CTNNA3: variants seen among roughly 807,000 people sequenced by gnomAD.
CTNNA3 encodes the protein catenin alpha 3.
Under a neutral mutation model 95.7 loss-of-function variants are expected in CTNNA3, and 76 were observed. The observed-to-expected ratio is 0.79, with a 90% CI of 0.66 to 0.96. The LOEUF (loss-of-function observed/expected upper bound fraction) is 0.96, where lower values mean the gene tolerates loss of function less well. Among genes scored for constraint, CTNNA3 ranks in the 40% least tolerant of loss-of-function variants. The pLI is 0.00. For synonymous variants in CTNNA3, 431 were observed against 374.4 expected, an observed-to-expected ratio of 1.15 and a Z score of -1.74; for missense variants, 1,191 against 1,089.8, an observed-to-expected ratio of 1.09 and a Z score of -1.31.
chr10:67,247,998 G>C (rs1009063030), intron 5 of CTNNA3, among the ~76,000 whole-genome samples: 1 of 152,098 alleles, frequency 6.6e-6, no homozygotes, highest in African/African-American at 2.4e-5. Context: ...TTTTCAACAA[G>C]GGTATCATGA....
At chr10:67,133,743 TG>T (rs1172010991) in intron 7 of CTNNA3, among the ~76,000 whole-genome samples, 9 of 152,174 alleles carry the variant, frequency 5.9e-5, no homozygotes, top group African/African-American at 2.2e-4. Flanking sequence ...TTCTAATACA[TG>T]GAAAAGACCT....
intron 7 of CTNNA3, among the ~76,000 whole-genome samples, chr10:67,001,861 T>A (rs529051337): frequency 6.6e-6 from 1 of 152,298 alleles, no homozygotes; most frequent in East Asian, 1.9e-4. Flanking sequence ...TTTAGCCTTG[T>A]CATCATTACC....
chr10:66,114,852 C>G (rs2082262100), intron 13 of CTNNA3, among the ~76,000 whole-genome samples: 1 of 151,074 alleles, frequency 6.6e-6, no homozygotes, highest in South Asian at 2.1e-4. Flanking sequence ...GCACTCCAGC[C>G]TCAGCGACAG....
At chr10:66,449,214 G>A (rs1015123782) in intron 11 of CTNNA3, among the ~76,000 whole-genome samples, 5 of 152,018 alleles carry the variant, frequency 3.3e-5, no homozygotes, top group Non-Finnish European at 1.5e-5. Flanking sequence ...AGGTGCTGGG[G>A]GGACATTCAT....
chr10:67,681,354 C>T (rs1201710804), intron 1 of CTNNA3, among the ~76,000 whole-genome samples: 1 of 152,018 alleles, frequency 6.6e-6, no homozygotes, highest in African/African-American at 2.4e-5. Flanking sequence ...GGAAAGACAG[C>T]TGAGAAATGG....
chr10:65,972,679 T>C (rs917266369), intron 16 of CTNNA3, among the ~76,000 whole-genome samples: 4 of 152,104 alleles, frequency 2.6e-5, no homozygotes, highest in Admixed American at 2.0e-4. Context: ...ACAACACTGC[T>C]GAAAGAAATC....
At chr10:67,579,388 CT>C (rs1045637330) in intron 3 of CTNNA3, among the ~76,000 whole-genome samples, 1 of 152,142 alleles carries the variant, frequency 6.6e-6, no homozygotes, top group East Asian at 1.9e-4. Flanking sequence ...TCAACCCATC[CT>C]TTTTTATGGC....
intron 9 of CTNNA3, among the ~76,000 whole-genome samples, chr10:66,669,808 T>C (rs1471755107): frequency 6.6e-6 from 1 of 152,102 alleles, no homozygotes; most frequent in Non-Finnish European, 1.5e-5. Flanking sequence ...TAAAATATTG[T>C]CAATGTATAG....
At chr10:66,624,076 T>C (rs888502652) in intron 9 of CTNNA3, among the ~76,000 whole-genome samples, 5 of 152,146 alleles carry the variant, frequency 3.3e-5, no homozygotes, top group Admixed American at 2.0e-4. Context: ...CTGCGCAAAA[T>C]GTGGGCAAAG....
chr10:66,540,645 C>G (rs1589396026), intron 10 of CTNNA3, among the ~76,000 whole-genome samples: 2 of 149,232 alleles, frequency 1.3e-5, no homozygotes, highest in African/African-American at 2.5e-5. Flanking sequence ...CCTTCCCTTC[C>G]TCTTTCTCTT....
At chr10:66,644,302 CTCTCTA>C (rs1190813827) in intron 9 of CTNNA3, among the ~76,000 whole-genome samples, 1,909 of 85,584 alleles carry the variant, frequency 0.022, 34 homozygotes, top group African/African-American at 0.072. Context: ...GTCTCTCTCT[CTCTCTA>C]TATATATATA....
chr10:65,947,249 T>C (rs1277764527), intron 17 of CTNNA3, among the ~76,000 whole-genome samples: 3 of 152,164 alleles, frequency 2.0e-5, no homozygotes, highest in Non-Finnish European at 4.4e-5. Context: ...TCATAATAAA[T>C]AGAGAAATGA....
At chr10:66,804,728 G>A (rs1301224891) in intron 7 of CTNNA3, among the ~76,000 whole-genome samples, 1 of 151,934 alleles carries the variant, frequency 6.6e-6, no homozygotes, top group Non-Finnish European at 1.5e-5. Flanking sequence ...CATTGTAGTT[G>A]TCATTAAAGC....
intron 10 of CTNNA3, among the ~76,000 whole-genome samples, chr10:66,619,602 A>G (rs9665647): frequency 0.27 from 34,874 of 130,940 alleles, 5,116 homozygotes; most frequent in Middle Eastern, 0.44. Context: ...TAGGAGATAT[A>G]CCTAATGCTA....
intron 11 of CTNNA3, among the ~76,000 whole-genome samples, chr10:66,414,153 G>T (rs897980236): frequency 1.3e-5 from 2 of 152,090 alleles, no homozygotes; most frequent in Admixed American, 1.3e-4. Flanking sequence ...TAAAACAAAT[G>T]CTCTGGTTAG....
intron 7 of CTNNA3, among the ~76,000 whole-genome samples, chr10:66,815,935 C>T (rs1331784352): frequency 1.3e-5 from 2 of 152,070 alleles, no homozygotes; most frequent in Non-Finnish European, 2.9e-5. Flanking sequence ...AAGTTAACTA[C>T]ATAAGTAAAT....
chr10:66,356,730 T>A (rs542527508), intron 12 of CTNNA3, among the ~76,000 whole-genome samples: 3 of 152,182 alleles, frequency 2.0e-5, no homozygotes, highest in African/African-American at 7.2e-5. Context: ...TTAAGAATGA[T>A]GTTAGCTGTG....
At chr10:66,575,120 C>A (rs1842969353) in intron 10 of CTNNA3, among the ~76,000 whole-genome samples, 1 of 152,182 alleles carries the variant, frequency 6.6e-6, no homozygotes, top group South Asian at 2.1e-4. Context: ...TGACTGTAAA[C>A]CCATGCACCG....
At chr10:66,704,257 C>A (rs1564629639) in intron 9 of CTNNA3, among the ~76,000 whole-genome samples, 2 of 152,086 alleles carry the variant, frequency 1.3e-5, no homozygotes, top group Non-Finnish European at 2.9e-5. Flanking sequence ...TATACTCTTC[C>A]ATAGAACATT....
Sources: gnomAD v4.1 joint callset for allele counts (sites outside exome capture counted in the v4.1 genomes callset) on GRCh38, gnomAD v4.1.1 for gene constraint, MANE v1.5 for transcripts, NCBI Gene and HGNC (gene_info 2026-07-23, HGNC 2026-07-21) for gene names.